The following CAMSAP1 variants were observed in gnomAD, a reference collection of about 807,000 sequenced individuals.
CAMSAP1 encodes the protein calmodulin regulated spectrin associated protein 1.
CAMSAP1 carries 58 observed loss-of-function variants against 143.5 expected under a neutral mutation model. That is an observed-to-expected ratio of 0.40 (90% CI 0.33 to 0.50). CAMSAP1 has a LOEUF of 0.50. CAMSAP1 is among the 20% of genes least tolerant of loss of function. The probability of loss-of-function intolerance (pLI) is 0.45; values close to 1 mark genes in which losing one functional copy is unlikely to be tolerated. For missense variants in CAMSAP1, 1,969 were observed against 2,115.7 expected, an observed-to-expected ratio of 0.93 and a Z score of 1.36; for synonymous variants, 945 against 859.3, an observed-to-expected ratio of 1.10 and a Z score of -1.74.
Position 135,862,575 on chromosome 9 carries a change from G to A in CAMSAP1, c.700C>T (p.Gln234Ter). The A allele has an allele frequency of 6.4e-7, 1 of 1,551,698 alleles. No homozygotes were observed. Among genetic ancestry groups the A allele is most frequent in the Non-Finnish European group, 8.7e-7 (1 of 1,146,998 alleles). The change falls in exon 5 of 17, where the codon CAG (glutamine) becomes TAG (stop). Residue 234 changes from glutamine (Q) to a stop codon, truncating the protein, a stop_gained. Coordinates refer to ENST00000389532, the MANE Select transcript of CAMSAP1 (RefSeq NM_015447.4). LOFTEE classifies it high-confidence loss of function. Reference sequence around the variant, plus strand: ...TCCAACAACGGGAAGTAGGGTGACTGCCTAGCAGAAAGGTGCTCTCGTCGA... The same window carrying A: ...TCCAACAACGGGAAGTAGGGTGACTACCTAGCAGAAAGGTGCTCTCGTCGA... ...RYRREHLSARQSPYFPLLEDL... is the reference protein window; with the variant it reads ...RYRREHLSAR
In CAMSAP1 at chr9:135,818,450, C is replaced by G. The variant is rs957822083; in HGVS notation, c.4126G>C (p.Glu1376Gln). The change falls in exon 13 of 17, where the codon GAA becomes CAA. Residue 1376 changes from glutamate (E) to glutamine (Q), a missense_variant. By Grantham distance (29) the Glu-to-Gln change is conservative. Transcript: ENST00000389532. This position sits in a 1 kb window ranked among gnomAD's most constrained non-coding sequence, Gnocchi z 7.7. ...GTGCCGGAGTCGCTGCACGACTCTT[C>G]CCGGTGCACCGACTTCGGCCGCGGC... ...KKPRPKSVHR[E>Q]ESCSDSGTKC... The G allele has an allele frequency of 2.5e-6, 4 of 1,600,548 alleles. No individual in the cohort carries two copies. Among genetic ancestry groups the G allele is most frequent in the African/African-American group, 2.7e-5 (2 of 74,802 alleles).
In CAMSAP1 at chr9:135,818,352, T is replaced by C; in HGVS notation, c.4168+56A>G. The C allele has an allele frequency of 6.7e-7, 1 of 1,497,914 alleles. No homozygotes were observed. The allele number at this position is 1,497,914 out of a possible 1,614,324, so 92.8% of individuals were successfully genotyped here. On this transcript the variant is annotated intron_variant, in intron 13 of 16. Transcript: ENST00000389532. The surrounding 1 kb of genome is among the most constrained non-coding windows in gnomAD (Gnocchi z 7.7). ...CAAAATTGAAATGAGCTGAAGAACG[T>C]GAGGCCGCCGCCCGCGGAAGGAAGC...
intron 1 of CAMSAP1, among the ~76,000 whole-genome samples, chr9:135,897,256 G>A (rs191406509): frequency 1.1e-4 from 17 of 151,906 alleles, no homozygotes; most frequent in African/African-American, 4.1e-4. Context: ...CAACTCAAAC[G>A]ATCCTCCCAC....
intron 7 of CAMSAP1, among the ~76,000 whole-genome samples, chr9:135,846,478 T>TAAAAGAC (rs1836556133): frequency 6.6e-6 from 1 of 152,084 alleles, no homozygotes; most frequent in Non-Finnish European, 1.5e-5. Context: ...GGGCAAAGAC[T>TAAAAGAC]TCAAGACTAA....
chr9:135,846,335 T>C (rs1157597447), intron 7 of CAMSAP1, among the ~76,000 whole-genome samples: 1 of 152,166 alleles, frequency 6.6e-6, no homozygotes, highest in Non-Finnish European at 1.5e-5. Flanking sequence ...TGCGGAAAAC[T>C]GAATTTGGAT....
At chr9:135,845,093 T>A (rs1836503392) in intron 7 of CAMSAP1, among the ~76,000 whole-genome samples, 1 of 152,178 alleles carries the variant, frequency 6.6e-6, no homozygotes, top group South Asian at 2.1e-4. Flanking sequence ...ATATCCCTGA[T>A]GAACATCGAT....
In CAMSAP1 at chr9:135,818,111, G is replaced by T; in HGVS notation, c.4169-32C>A. The T allele has an allele frequency of 6.2e-7, 1 of 1,603,504 alleles. No homozygotes were observed. Among genetic ancestry groups the T allele is most frequent in the South Asian group, 1.1e-5 (1 of 90,588 alleles). The stretch of plus-strand genomic sequence containing the variant: ...GAGACAGAAACAGACGACGGTTCAT[G>T]AACGGATTCCGACAGACAAGTACCT... On this transcript the variant is annotated intron_variant, in intron 13 of 16. Coordinates refer to ENST00000389532, the MANE Select transcript of CAMSAP1 (RefSeq NM_015447.4). The surrounding 1 kb of genome is among the most constrained non-coding windows in gnomAD (Gnocchi z 7.7).
rs1477852703 is a variant in CAMSAP1 at position 135,907,449 on chromosome 9, A to G, written c.-290T>C. Among the ~76,000 whole-genome samples the G allele has an allele frequency of 1.5e-5, 2 of 137,226 alleles. No individual in the cohort carries two copies. The highest frequency in any genetic ancestry group is 2.6e-5 in the African/African-American group (1 of 37,890). The allele number at this position is 137,226 out of a possible 152,430, so 90.0% of individuals were successfully genotyped here. On this transcript the variant is annotated 5_prime_UTR_variant, in exon 1 of 17. Transcript: ENST00000389532. ...GGGCGGGGGCGGGCGCGGGGGCGGG[A>G]GCGGGCCGGGGGCGGTGGCAGCGCG...
intron 1 of CAMSAP1, among the ~76,000 whole-genome samples, chr9:135,890,815 A>G (rs1396773747): frequency 6.6e-6 from 1 of 152,246 alleles, no homozygotes; most frequent in East Asian, 1.9e-4. Flanking sequence ...GCAAAATGAC[A>G]AGACATCATG....
chr9:135,906,146 C>A (rs575186967), intron 1 of CAMSAP1, among the ~76,000 whole-genome samples: 2 of 152,244 alleles, frequency 1.3e-5, no homozygotes, highest in Non-Finnish European at 2.9e-5. Context: ...AACAGGGCAA[C>A]GCCTACTCAG....
At chr9:135,836,973 T>C (rs1836080126) in intron 7 of CAMSAP1, 1 of 976,658 alleles carries the variant, frequency 1.0e-6, no homozygotes, top group Non-Finnish European at 1.2e-6. Flanking sequence ...TTCTACCCAT[T>C]CTACAGACAC....
intron 7 of CAMSAP1, among the ~76,000 whole-genome samples, chr9:135,846,186 T>C (rs893847204): frequency 1.0e-4 from 15 of 150,606 alleles, no homozygotes; most frequent in African/African-American, 3.4e-4. Context: ...AACAGATATA[T>C]AGACCAATGG....
chr9:135,871,125 G>A (rs2130955760), intron 3 of CAMSAP1, among the ~76,000 whole-genome samples: 1 of 152,312 alleles, frequency 6.6e-6, no homozygotes, highest in East Asian at 1.9e-4. Context: ...AGGAGAATCA[G>A]CTATCCTCTA....
chr9:135,839,362 G>A (rs1836257214), intron 7 of CAMSAP1, among the ~76,000 whole-genome samples: 1 of 152,170 alleles, frequency 6.6e-6, no homozygotes, highest in African/African-American at 2.4e-5. Flanking sequence ...ACACTAAGGT[G>A]AGCATGCATG....
At chr9:135,864,327 T>C (rs1475927264) in intron 4 of CAMSAP1, among the ~76,000 whole-genome samples, 3 of 152,234 alleles carry the variant, frequency 2.0e-5, no homozygotes, top group East Asian at 3.8e-4. Flanking sequence ...TATATTGATT[T>C]AGAATGCTTT....
chr9:135,811,842 T>C lies in CAMSAP1; in HGVS notation c.4507-231A>G, dbSNP rs1835064699. Among the ~76,000 whole-genome samples, 1 of 152,194 alleles carries C rather than the reference T, an allele frequency of 6.6e-6. No individual in the cohort carries two copies. Reference sequence around the variant, plus strand: ...GCAAGCAAGGGGGAAAAGAATGCTTTTACGATTAAATGGAAAAGCATATGA... The same window carrying C: ...GCAAGCAAGGGGGAAAAGAATGCTTCTACGATTAAATGGAAAAGCATATGA... On this transcript the variant is annotated intron_variant, in intron 16 of 16. Coordinates refer to ENST00000389532, the MANE Select transcript of CAMSAP1 (RefSeq NM_015447.4). The surrounding 1 kb of genome is among the most constrained non-coding windows in gnomAD (Gnocchi z 4.9).
rs1350817843 is a variant in CAMSAP1, at chr9:135,808,816, C to A, written c.*2493G>T. The stretch of plus-strand genomic sequence containing the variant: ...CGCAAGTTTCATTTCTCTTTCAACC[C>A]TTCTGGGCTCCCAGAATTCTAGCAT... On this transcript the variant is annotated 3_prime_UTR_variant, in exon 17 of 17. Transcript: ENST00000389532. 2 of 152,262 alleles carry A rather than the reference C, an allele frequency of 1.3e-5. No homozygotes were observed. Among genetic ancestry groups the A allele is most frequent in the African/African-American group, 4.8e-5 (2 of 41,470 alleles). The allele number at this position is 152,262 out of a possible 1,614,324, so 9.4% of individuals were successfully genotyped here. A position where few individuals can be genotyped will look rare whatever the true frequency, so the allele number is the denominator to read the frequency against.
At chr9:135,887,377 A>T (rs77907754) in intron 1 of CAMSAP1, among the ~76,000 whole-genome samples, 2,174 of 152,332 alleles carry the variant, frequency 0.014, 60 homozygotes, top group African/African-American at 0.048. Context: ...GCATTCTGAG[A>T]ACTGGTGAAG....
intron 7 of CAMSAP1, 116 bp from the exon 8 acceptor site, chr9:135,827,700 CA>C (rs565593662): frequency 1.4e-4 from 135 of 974,678 alleles, no homozygotes; most frequent in South Asian, 3.5e-4. Context: ...AAACTTCTGC[CA>C]AAAAAAACTG....
Sources: allele counts gnomAD v4.1 joint callset (sites outside exome capture counted in the v4.1 genomes callset), GRCh38; gene constraint gnomAD v4.1.1; non-coding constraint Gnocchi (gnomAD v3.1); transcripts MANE v1.5; gene names NCBI Gene and HGNC (gene_info 2026-07-23, HGNC 2026-07-21).